Variants in PLSCR5 observed in about 807,000 individuals in gnomAD.
PLSCR5 encodes the protein phospholipid scramblase family, member 5.
Under a neutral mutation model 33.6 loss-of-function variants are expected in PLSCR5, and 44 were observed. The observed-to-expected ratio is 1.31, with a 90% confidence interval of 1.03 to 1.69. The LOEUF (loss-of-function observed/expected upper bound fraction) is 1.69, where lower values mean the gene tolerates loss of function less well. PLSCR5 is among the 40% of genes most tolerant of loss of function. The probability of loss-of-function intolerance (pLI) is 0.00; values close to 1 mark genes in which losing one functional copy is unlikely to be tolerated. For synonymous variants in PLSCR5, 148 were observed against 112.3 expected (o/e 1.32, Z -2.01); for missense variants, 375 against 318.7 (o/e 1.18, Z -1.34).
chr3:146,589,631 T>C, intron 6 of PLSCR5, 22 bp downstream of exon 6: 2 of 1,520,006 alleles, frequency 1.3e-6, no homozygotes, highest in East Asian at 2.3e-5. Flanking sequence ...AAATCACTCA[T>C]GCTCTCAAAG....
chr3:146,584,038 A>AG (rs962714955), downstream of PLSCR5, among the ~76,000 whole-genome samples: 94 of 152,292 alleles, frequency 6.2e-4, no homozygotes, highest in African/African-American at 2.1e-3. Flanking sequence ...CTGGGTGGGA[A>AG]GGGGGGAAGA....
At chr3:146,603,981 A>T (rs1020345233) in intron 1 of PLSCR5, among the ~76,000 whole-genome samples, 2 of 152,106 alleles carry the variant, frequency 1.3e-5, no homozygotes, top group African/African-American at 4.8e-5. Context: ...AAAGATTGAT[A>T]AAAAATGGAA....
At chr3:146,600,967 A>G (rs989036942) in intron 1 of PLSCR5, among the ~76,000 whole-genome samples, 1 of 147,888 alleles carries the variant, frequency 6.8e-6, no homozygotes, top group Non-Finnish European at 1.5e-5. Flanking sequence ...ATTTATATAT[A>G]TACTTATTTT....
At chr3:146,582,622 G>A (rs1036588135), downstream of PLSCR5, among the ~76,000 whole-genome samples, 2 of 152,032 alleles carry the variant, frequency 1.3e-5, no homozygotes, top group African/African-American at 4.8e-5. Flanking sequence ...GATTTTCTCA[G>A]CTGTGAGACA....
chr3:146,602,310 T>A (rs1156651011), intron 1 of PLSCR5, among the ~76,000 whole-genome samples: 2 of 152,134 alleles, frequency 1.3e-5, no homozygotes, highest in Non-Finnish European at 2.9e-5. Flanking sequence ...ACAATAATGA[T>A]GCAAAAATAT....
At chr3:146,587,419 A>G (rs2044674965) in intron 6 of PLSCR5, among the ~76,000 whole-genome samples, 1 of 152,210 alleles carries the variant, frequency 6.6e-6, no homozygotes, top group Non-Finnish European at 1.5e-5. Flanking sequence ...CATTTTAACT[A>G]TCAGCTTGTT....
At position 146,589,726 on chromosome 3, in the gene PLSCR5, T is replaced by C; in HGVS notation, c.704A>G (p.Asn235Ser). Reference sequence around the variant, plus strand: ...ATCTGCAGGAACATGAATTCCGAAATTGTCAGCATTTGTGAAGACATCATT... The same window carrying C: ...ATCTGCAGGAACATGAATTCCGAAACTGTCAGCATTTGTGAAGACATCATT... ...FVNDVFTNAD[N>S]FGIHVPADLD... Residue 235 changes from asparagine (N) to serine (S), a missense_variant, in exon 6 of 8, where the codon AAT (asparagine) becomes AGT (serine). Coordinates refer to ENST00000443512, the MANE Select transcript of PLSCR5 (RefSeq NM_001085420.2). 1.9e-6 allele frequency: 3 copies of C among 1,600,482 alleles called. No homozygotes were observed. The highest frequency in any genetic ancestry group is 1.7e-6 in the Non-Finnish European group (2 of 1,169,372).
Position 146,593,921 on chromosome 3 carries a change from T to A in PLSCR5, c.452A>T (p.Glu151Val). 1 of 1,612,618 alleles carries A rather than the reference T, an allele frequency of 6.2e-7. No homozygotes were observed. Among genetic ancestry groups the A allele is most frequent in the Non-Finnish European group, 8.5e-7 (1 of 1,178,778 alleles). Residue 151 changes from glutamate (E) to valine (V), a missense_variant and splice_region_variant, in exon 4 of 8, where the codon GAG (glutamate) becomes GTG (valine). Physicochemically the swap from Glu to Val is moderately radical, Grantham distance 121 (BLOSUM62 -2). Transcript: ENST00000443512. ...GGACAACCAGAGCCAGTAACTAACC[T>A]CTTGTAGGTAGCAAGGGCACCAGCA... ...NSCWCPCYLQ[E>V]LEIQAPPGTI... is the part of the protein sequence containing the mutation.
rs1019462402 is a variant in PLSCR5, at chr3:146,585,877, T to C, written c.*110A>G. ...GTTTTAATAAATATAATAATTAACA[T>C]TTTTTTTTAACAAAAAAGCAAACAT... is the stretch of plus-strand genomic sequence containing the variant. On this transcript the variant is annotated 3_prime_UTR_variant, in exon 8 of 8. Transcript: ENST00000443512. 4.6e-5 allele frequency: 9 copies of C among 196,832 alleles called. No homozygotes were observed. The highest frequency in any genetic ancestry group is 8.9e-5 in the Admixed American group (1 of 11,278). The allele number at this position is 196,832 out of a possible 1,614,324, so 12.2% of individuals were successfully genotyped here. A position where few individuals can be genotyped will look rare whatever the true frequency, so the allele number is the denominator to read the frequency against.
chr3:146,586,187 C>G (rs1326845462), intron 6 of PLSCR5, 75 bp from the exon 7 acceptor site: 1 of 1,314,282 alleles, frequency 7.6e-7, no homozygotes, highest in Non-Finnish European at 1.0e-6. Flanking sequence ...GACATGCAAG[C>G]TTTGATTATG....
intron 1 of PLSCR5, among the ~76,000 whole-genome samples, chr3:146,602,815 G>T (rs1363554757): frequency 1.3e-5 from 2 of 152,054 alleles, no homozygotes; most frequent in East Asian, 3.9e-4. Context: ...GCCCAGTCCT[G>T]GAGGGCCTTA....
rs191000756 is a variant in PLSCR5, at chr3:146,604,755, G to A, written c.13+445C>T. ...TGAAGACATCTCATGTATCCCATAA[G>A]TATATATACCTACTATGTACCCACA... On this transcript the variant is annotated intron_variant, in intron 1 of 7. Transcript: ENST00000443512. Among the ~76,000 whole-genome samples the A allele has an allele frequency of 2.6e-5, 4 of 151,988 alleles. No homozygotes were observed. In the East Asian group the frequency reaches 5.8e-4, roughly 22 times the overall value.
Position 146,591,755 on chromosome 3 carries a change from C to T in PLSCR5, c.580G>A (p.Val194Met), listed in dbSNP as rs1211877756. The T allele has an allele frequency of 1.2e-6, 2 of 1,611,770 alleles. No individual in the cohort carries two copies. Among genetic ancestry groups the T allele is most frequent in the Non-Finnish European group, 1.7e-6 (2 of 1,178,754 alleles). Residue 194 changes from valine to methionine, a missense_variant, in exon 5 of 8, where the codon GTG becomes ATG. Physicochemically the swap from Val to Met is conservative, Grantham distance 21. Coordinates refer to ENST00000443512, the MANE Select transcript of PLSCR5 (RefSeq NM_001085420.2). ...ACATCGCCAAAACAGCCACATGTCA[C>T]ACAAGGACCAACAATTTTCAAAATA... ...EDILKIVGPC[V>M]TCGCFGDVDF...
intron 1 of PLSCR5, among the ~76,000 whole-genome samples, chr3:146,602,607 A>G (rs929336407): frequency 6.6e-6 from 1 of 152,134 alleles, no homozygotes; most frequent in African/African-American, 2.4e-5. Context: ...TTCACTGCAC[A>G]TATTATCTCT....
Position 146,590,608 on chromosome 3 carries a change from G to C in PLSCR5, c.616-794C>G, listed in dbSNP as rs2044705508. Among the ~76,000 whole-genome samples the C allele has an allele frequency of 2.0e-5, 3 of 152,074 alleles. No homozygotes were observed. The South Asian group carries it at 6.2e-4, about 32-fold the overall frequency. On this transcript the variant is annotated intron_variant, in intron 5 of 7. Transcript: ENST00000443512. ...TTTTTTCAGGGTAGTAAAAGATAGAGAATAGAGAGGGTTACTTAGGACATT... is the reference window on the plus strand; with the variant it reads ...TTTTTTCAGGGTAGTAAAAGATAGACAATAGAGAGGGTTACTTAGGACATT...
chr3:146,578,030 C>T (rs1385602136), intron 7 of PLSCR5, among the ~76,000 whole-genome samples: 1 of 152,004 alleles, frequency 6.6e-6, no homozygotes, highest in Non-Finnish European at 1.5e-5. Context: ...TAGTTTAAAA[C>T]ATTCAATGTA....
chr3:146,579,869 A>G (rs570568253), intron 7 of PLSCR5, among the ~76,000 whole-genome samples: 1 of 152,200 alleles, frequency 6.6e-6, no homozygotes, highest in Non-Finnish European at 1.5e-5. Flanking sequence ...TGACCTCATT[A>G]AGCACATTCT....
rs772098061 is a variant in PLSCR5 at position 146,600,278 on chromosome 3, A to T, written c.189+10T>A. The T allele has an allele frequency of 3.9e-6, 6 of 1,543,180 alleles. No individual in the cohort carries two copies. Among genetic ancestry groups the T allele is most frequent in the Non-Finnish European group, 5.3e-6 (6 of 1,140,828 alleles). On this transcript the variant is annotated intron_variant, in intron 2 of 7. Coordinates refer to ENST00000443512, the MANE Select transcript of PLSCR5 (RefSeq NM_001085420.2). ...AGAACATATCTGTAGTAATAGAAAG[A>T]TAAAAACACCTGGCTTAAATATTCT...
chr3:146,595,471 T>C (rs1395492865), intron 2 of PLSCR5, among the ~76,000 whole-genome samples: 1 of 152,104 alleles, frequency 6.6e-6, no homozygotes. Flanking sequence ...TAGCTGGCTG[T>C]AGTGGCGTGC....
Sources: gnomAD v4.1 joint callset for allele counts (sites outside exome capture counted in the v4.1 genomes callset) on GRCh38, gnomAD v4.1.1 for gene constraint, MANE v1.5 for transcripts, NCBI Gene and HGNC (gene_info 2026-07-23, HGNC 2026-07-21) for gene names.